Variants in PNLIPRP1 observed in about 807,000 individuals in gnomAD.
The protein encoded by PNLIPRP1 is pancreatic lipase related protein 1, also known as inactive pancreatic lipase-related protein 1.
A neutral mutation model predicts 54.6 loss-of-function variants in PNLIPRP1; 57 were observed. That is an observed-to-expected ratio of 1.04 (90% CI 0.84 to 1.30). The LOEUF (loss-of-function observed/expected upper bound fraction) is 1.30, where lower values mean the gene tolerates loss of function less well. Among genes scored for constraint, PNLIPRP1 ranks in the 50% most tolerant of loss-of-function variants. The probability of loss-of-function intolerance (pLI) is 0.00; values close to 1 mark genes in which losing one functional copy is unlikely to be tolerated. For missense variants in PNLIPRP1, 567 were observed against 568.5 expected (o/e 1.00, Z 0.03); for synonymous variants, 232 against 208.8 (o/e 1.11, Z -0.96).
chr10:116,590,982 G>A lies in PNLIPRP1; in HGVS notation c.-14G>A. ...TCGATCCGGTGGGAGGGAACATCTGGAACATTAGACAGGGTAAGCCACCTT... is the reference window on the plus strand; with the variant it reads ...TCGATCCGGTGGGAGGGAACATCTGAAACATTAGACAGGGTAAGCCACCTT... On this transcript the variant is annotated 5_prime_UTR_variant, in exon 1 of 13. Transcript: ENST00000358834. 1 of 611,556 alleles carries A rather than the reference G, an allele frequency of 1.6e-6. No individual in the cohort carries two copies. The highest frequency in any genetic ancestry group is 2.9e-6 in the Non-Finnish European group (1 of 339,246). 37.9% of individuals were successfully genotyped at this position (611,556 alleles called of 1,614,324 possible).
chr10:116,609,018 A>C (rs1847982571), intron 12 of PNLIPRP1, 35 bp from the exon 13 acceptor site: 1 of 1,532,434 alleles, frequency 6.5e-7, no homozygotes, highest in South Asian at 1.1e-5. Flanking sequence ...TGCTAAGGTG[A>C]CCCAAACTCT....
Position 116,597,956 on chromosome 10 carries a change from T to C in PNLIPRP1, c.694+9T>C, listed in dbSNP as rs1554864178. On this transcript the variant is annotated intron_variant, in intron 7 of 12. Coordinates refer to ENST00000358834, the MANE Select transcript of PNLIPRP1 (RefSeq NM_006229.4). ...CCTGATCCCATTCTTGGGTGAGACC[T>C]ATGATGCTCCAGCTGTGAGCACGCA... 1.2e-6 allele frequency: 2 copies of C among 1,614,186 alleles called. No individual in the cohort carries two copies. Among genetic ancestry groups the C allele is most frequent in the Middle Eastern group, 1.7e-4 (1 of 6,060 alleles).
chr10:116,594,438 A>T (rs1435282805), intron 4 of PNLIPRP1: 1 of 524,656 alleles, frequency 1.9e-6, no homozygotes, highest in Non-Finnish European at 3.6e-6. Flanking sequence ...GACTCTTTTC[A>T]TGATGCAATT....
chr10:116,592,567 G>T (rs1554863382), intron 4 of PNLIPRP1, 26 bp downstream of exon 4: 1 of 1,613,632 alleles, frequency 6.2e-7, no homozygotes, highest in African/African-American at 1.3e-5. Context: ...GATCCCTGTG[G>T]CCAGCTGAGG....
rs2133231257 is a variant in PNLIPRP1 at position 116,596,254 on chromosome 10, G to A, written c.506G>A (p.Gly169Asp). The part of the protein sequence containing the change: ...SYPPSKVHLI[G>D]HSLGAHVAGE... ...CCCCCTTCCAAAGTTCACCTCATTG[G>A]CCACAGCCTGGGAGCCCACGTGGCT... Residue 169 changes from glycine to aspartate, a missense_variant, in exon 6 of 13, where the codon GGC becomes GAC. Transcript: ENST00000358834. The A allele has an allele frequency of 2.5e-6, 4 of 1,613,856 alleles. 1 individual carries two copies. Among genetic ancestry groups the A allele is most frequent in the Non-Finnish European group, 1.7e-6 (2 of 1,179,830 alleles).
chr10:116,600,212 G>A, intron 9 of PNLIPRP1, 47 bp downstream of exon 9: 1 of 1,221,986 alleles, frequency 8.2e-7, no homozygotes, highest in Non-Finnish European at 1.2e-6. Flanking sequence ...CCCTCTGAGG[G>A]ACTGCTGTCC....
chr10:116,602,311 A>G (rs12412929), intron 10 of PNLIPRP1, among the ~76,000 whole-genome samples: 53,703 of 150,650 alleles, frequency 0.36, 10,335 homozygotes, highest in East Asian at 0.87. Context: ...GAGCCACCGC[A>G]CCCGGCCCAC....
At position 116,605,679 on chromosome 10, in the gene PNLIPRP1, C is replaced by T. The variant is rs532739640; in HGVS notation, c.1340+126C>T. ...CAAGAAAATTTACCCATCTGTGGCC[C>T]CTTCTCCCCAAACAAGCAACTGACA... On this transcript the variant is annotated intron_variant, in intron 12 of 12. Transcript: ENST00000358834. 1.4e-5 allele frequency: 8 copies of T among 575,436 alleles called. No individual in the cohort carries two copies. In the Admixed American group the frequency reaches 2.4e-4, roughly 17 times the overall value. 35.6% of individuals were successfully genotyped at this position (575,436 alleles called of 1,614,324 possible). A position where few individuals can be genotyped will look rare whatever the true frequency, so the allele number is the denominator to read the frequency against.
At chr10:116,599,027 G>A (rs995183637) in intron 8 of PNLIPRP1, among the ~76,000 whole-genome samples, 3 of 152,114 alleles carry the variant, frequency 2.0e-5, no homozygotes, top group Non-Finnish European at 4.4e-5. Context: ...GGCCGAGGCG[G>A]GCAAATCACT....
chr10:116,604,681 CTTTTTTTTTT>C (rs1234478269), intron 11 of PNLIPRP1, among the ~76,000 whole-genome samples: 7 of 94,140 alleles, frequency 7.4e-5, no homozygotes, highest in East Asian at 7.4e-4. Context: ...CTTTCTCTCT[CTTTTTTTTTT>C]TTTTTTTTTT....
intron 12 of PNLIPRP1, among the ~76,000 whole-genome samples, chr10:116,608,475 T>C (rs1017849653): frequency 1.3e-5 from 2 of 152,122 alleles, no homozygotes; most frequent in Admixed American, 1.3e-4. Context: ...CCATGGAAAA[T>C]ACAGCCTCTG....
chr10:116,607,331 C>T (rs551964941), intron 12 of PNLIPRP1, among the ~76,000 whole-genome samples: 3 of 152,250 alleles, frequency 2.0e-5, no homozygotes, highest in East Asian at 1.9e-4. Context: ...ACTGAGCCTA[C>T]ACTCAAGGAG....
intron 5 of PNLIPRP1, 37 bp from the exon 6 acceptor site, chr10:116,596,177 C>A (rs1554863923): frequency 1.4e-6 from 2 of 1,418,416 alleles, no homozygotes; most frequent in Non-Finnish European, 2.0e-6. Context: ...AAAACCACAG[C>A]AAAAAATGTC....
chr10:116,597,973 G>C (rs782692449), intron 7 of PNLIPRP1, 26 bp downstream of exon 7: 35 of 1,614,014 alleles, frequency 2.2e-5, no homozygotes, highest in Non-Finnish European at 2.9e-5. Flanking sequence ...CTCCAGCTGT[G>C]AGCACGCACA....
intron 8 of PNLIPRP1, 76 bp from the exon 9 acceptor site, chr10:116,599,971 C>T (rs1554864531): frequency 2.3e-6 from 2 of 875,500 alleles, no homozygotes; most frequent in African/African-American, 1.7e-5. Flanking sequence ...TGGAACCATC[C>T]CATTTGGAGA....
chr10:116,598,169 A>G lies in PNLIPRP1; in HGVS notation c.814+3A>G. The G allele has an allele frequency of 6.2e-7, 1 of 1,612,934 alleles. No individual in the cohort carries two copies. The highest frequency in any genetic ancestry group is 1.1e-5 in the South Asian group (1 of 90,854). ...GGATCTAGATGGCATCTGGGCGGGT[A>G]AAGTCATGGTGGGGTGAGGGGAGCA... is the stretch of plus-strand genomic sequence containing the variant. On this transcript the variant is annotated splice_donor_region_variant and intron_variant, in intron 8 of 12. Transcript: ENST00000358834.
At chr10:116,594,549 C>G in intron 4 of PNLIPRP1, 181 bp from the exon 5 acceptor site, 1 of 679,180 alleles carries the variant, frequency 1.5e-6, no homozygotes, top group African/African-American at 1.8e-5. Context: ...ATCAGTTTGC[C>G]TTTCTCATAG....
In PNLIPRP1 at chr10:116,592,554, T is replaced by A; in HGVS notation, c.330+13T>A. ...AGACATGTGCAAGGTAGGAGCCAGC[T>A]CTGATCCCTGTGGCCAGCTGAGGCC... On this transcript the variant is annotated intron_variant, in intron 4 of 12. Coordinates refer to ENST00000358834, the MANE Select transcript of PNLIPRP1 (RefSeq NM_006229.4). 2.5e-6 allele frequency: 4 copies of A among 1,614,148 alleles called. No individual in the cohort carries two copies. Among genetic ancestry groups the A allele is most frequent in the Non-Finnish European group, 3.4e-6 (4 of 1,180,006 alleles).
At chr10:116,596,418 C>A in intron 6 of PNLIPRP1, 96 bp downstream of exon 6, 1 of 739,728 alleles carries the variant, frequency 1.4e-6, no homozygotes, top group Non-Finnish European at 2.4e-6. Context: ...CTGAAGGAGA[C>A]TGTCCCCCTT....
Sources: gnomAD v4.1 joint callset for allele counts (sites outside exome capture counted in the v4.1 genomes callset) on GRCh38, gnomAD v4.1.1 for gene constraint, MANE v1.5 for transcripts, NCBI Gene and HGNC (gene_info 2026-07-23, HGNC 2026-07-21) for gene names.